The following MAGI1 variants were observed in gnomAD, a reference collection of about 807,000 sequenced individuals.
The protein encoded by MAGI1 is membrane associated guanylate kinase, WW and PDZ domain containing 1, also known as membrane-associated guanylate kinase, WW and PDZ domain-containing protein 1.
In MAGI1, 58 loss-of-function variants were observed where a neutral mutation model predicts 139.9. The ratio of observed to expected loss-of-function variants is 0.41; its 90% confidence interval spans 0.34 to 0.52. The LOEUF is 0.52. Among genes scored for constraint, MAGI1 ranks in the 20% least tolerant of loss-of-function variants. The pLI is 0.12. For missense variants in MAGI1, 1,874 were observed against 1,901.6 expected (o/e 0.99, Z 0.27); for synonymous variants, 812 against 737.9 (o/e 1.10, Z -1.63).
At chr3:66,006,855 C>T (rs1484875563) in intron 1 of MAGI1, among the ~76,000 whole-genome samples, 1 of 144,906 alleles carries the variant, frequency 6.9e-6, no homozygotes, top group African/African-American at 2.6e-5. Context: ...ATTAGAGATG[C>T]AGTATCACTC....
chr3:65,900,527 A>G (rs1357735220), intron 1 of MAGI1, among the ~76,000 whole-genome samples: 1 of 152,220 alleles, frequency 6.6e-6, no homozygotes, highest in Non-Finnish European at 1.5e-5. Flanking sequence ...ACTTAGCCAT[A>G]TCTGTCTGTC....
chr3:65,867,083 C>A (rs1300160924), intron 1 of MAGI1, among the ~76,000 whole-genome samples: 1 of 152,202 alleles, frequency 6.6e-6, no homozygotes, highest in African/African-American at 2.4e-5. Flanking sequence ...GTTTCCTGAT[C>A]TGGAAATTGG....
At chr3:65,795,455 C>G (rs2040063543) in intron 1 of MAGI1, among the ~76,000 whole-genome samples, 1 of 152,066 alleles carries the variant, frequency 6.6e-6, no homozygotes, top group African/African-American at 2.4e-5. Context: ...CTGTGTCATT[C>G]CATTTGTATA....
chr3:65,967,358 A>G (rs550370293), intron 1 of MAGI1, among the ~76,000 whole-genome samples: 1 of 152,318 alleles, frequency 6.6e-6, no homozygotes, highest in South Asian at 2.1e-4. Flanking sequence ...AGCAAGGAAG[A>G]GCCCAGAGTG....
chr3:65,758,542 T>C (rs1465618413), intron 1 of MAGI1, among the ~76,000 whole-genome samples: 1 of 152,042 alleles, frequency 6.6e-6, no homozygotes, highest in African/African-American at 2.4e-5. Flanking sequence ...TAATTTCCAA[T>C]ATATATTCCC....
chr3:65,817,964 G>A (rs1312829018), intron 1 of MAGI1, among the ~76,000 whole-genome samples: 5 of 152,034 alleles, frequency 3.3e-5, no homozygotes. Context: ...GTAACTAATT[G>A]TTCCATTCTA....
chr3:66,006,504 T>C (rs1434471193), intron 1 of MAGI1, among the ~76,000 whole-genome samples: 1 of 152,210 alleles, frequency 6.6e-6, no homozygotes, highest in Non-Finnish European at 1.5e-5. Flanking sequence ...GGTATGTATA[T>C]GTGTCTATAC....
At chr3:65,925,141 T>C (rs926984744) in intron 1 of MAGI1, 1 of 152,162 alleles carries the variant, frequency 6.6e-6, no homozygotes, top group Middle Eastern at 3.2e-3. Flanking sequence ...CATCCAGGAA[T>C]TGAGAAGACT....
intron 15 of MAGI1, 46 bp downstream of exon 15, chr3:65,383,486 A>C (rs1244038320): frequency 1.4e-6 from 2 of 1,452,032 alleles, no homozygotes; most frequent in South Asian, 2.3e-5. Context: ...TTTGCTTTGA[A>C]GCCTTAGAAA....
At chr3:65,446,627 A>AGT (rs1948694015) in intron 7 of MAGI1, among the ~76,000 whole-genome samples, 1 of 152,322 alleles carries the variant, frequency 6.6e-6, no homozygotes, top group Admixed American at 6.5e-5. Context: ...AGGTAGCAAG[A>AGT]GTGGTTGAAA....
chr3:65,363,471 C>G lies in MAGI1; in HGVS notation c.3489G>C (p.Lys1163Asn). The change falls in exon 21 of 23, where the codon AAG becomes AAC. Residue 1163 changes from lysine (K) to asparagine (N), a missense_variant. By Grantham distance (94) the Lys-to-Asn change is moderately conservative. Transcript: ENST00000402939. The part of the protein sequence containing the change: ...AEDGPAERCG[K>N]MRIGDEILEI... ...GACTCCTCTCTCCACTTACCCTCAT[C>G]TTTCCACACCTCTCCGCAGGACCGT... The G allele has an allele frequency of 6.2e-7, 1 of 1,609,474 alleles. No individual in the cohort carries two copies. The highest frequency in any genetic ancestry group is 8.5e-7 in the Non-Finnish European group (1 of 1,177,716).
intron 4 of MAGI1, among the ~76,000 whole-genome samples, chr3:65,477,709 T>TTA (rs1256234917): frequency 6.0e-4 from 64 of 107,062 alleles, no homozygotes; most frequent in Admixed American, 6.2e-4. Flanking sequence ...ATTATTATTA[T>TTA]TATTTTTTTT....
chr3:65,953,190 A>G (rs1318255549), intron 1 of MAGI1, among the ~76,000 whole-genome samples: 1 of 152,196 alleles, frequency 6.6e-6, no homozygotes, highest in African/African-American at 2.4e-5. Context: ...TTCTGATCAA[A>G]TCTTCATTCT....
chr3:65,964,173 CCT>C (rs1397927437), intron 1 of MAGI1, among the ~76,000 whole-genome samples: 2 of 152,176 alleles, frequency 1.3e-5, no homozygotes, highest in Non-Finnish European at 2.9e-5. Flanking sequence ...ATATCCTGTC[CCT>C]GTCTCATTCA....
chr3:66,022,093 C>A (rs2067997748), intron 1 of MAGI1, among the ~76,000 whole-genome samples: 1 of 152,134 alleles, frequency 6.6e-6, no homozygotes, highest in South Asian at 2.1e-4. Flanking sequence ...TATTAAACCC[C>A]ATGGATAAGC....
chr3:65,822,996 G>A (rs2042030404), intron 1 of MAGI1, among the ~76,000 whole-genome samples: 1 of 152,158 alleles, frequency 6.6e-6, no homozygotes, highest in Admixed American at 6.5e-5. Flanking sequence ...ACCTCACTTA[G>A]ATCCTTATTC....
At chr3:65,814,371 A>G (rs2041472512) in intron 1 of MAGI1, among the ~76,000 whole-genome samples, 1 of 152,164 alleles carries the variant, frequency 6.6e-6, no homozygotes, top group African/African-American at 2.4e-5. Flanking sequence ...CTTTTAATGT[A>G]TATCAATCTA....
intron 1 of MAGI1, among the ~76,000 whole-genome samples, chr3:65,958,298 AG>A (rs2064236429): frequency 6.6e-6 from 1 of 152,250 alleles, no homozygotes; most frequent in Admixed American, 6.5e-5. Context: ...CTTAACATGC[AG>A]GAACAACTCT....
intron 18 of MAGI1, among the ~76,000 whole-genome samples, chr3:65,366,982 C>T (rs1252593943): frequency 6.6e-6 from 1 of 152,156 alleles, no homozygotes; most frequent in Non-Finnish European, 1.5e-5. Flanking sequence ...TTATAAAGTA[C>T]GCTCACTGTG....
Sources: gnomAD v4.1 joint callset for allele counts (sites outside exome capture counted in the v4.1 genomes callset) on GRCh38, gnomAD v4.1.1 for gene constraint, MANE v1.5 for transcripts, NCBI Gene and HGNC (gene_info 2026-07-23, HGNC 2026-07-21) for gene names.